OR1M1: variants seen among roughly 807,000 people sequenced by gnomAD.
OR1M1 encodes the protein olfactory receptor family 1 subfamily M member 1, also known as olfactory receptor 1M1.
For missense variants in OR1M1, 397 were observed against 401.8 expected (o/e 0.99, Z 0.10); for synonymous variants, 157 against 165.5 (o/e 0.95, Z 0.39).
rs1262370717 is a variant in OR1M1, at chr19:9,093,339, T to A, written c.95T>A (p.Phe32Tyr). 1.2e-6 allele frequency: 2 copies of A among 1,613,768 alleles called. No homozygotes were observed. Among genetic ancestry groups the A allele is most frequent in the African/African-American group, 2.7e-5 (2 of 74,858 alleles). Residue 32 changes from phenylalanine to tyrosine, a missense_variant, in exon 2 of 2, where the codon TTC (phenylalanine) becomes TAC (tyrosine). Physicochemically the swap from Phe to Tyr is conservative, Grantham distance 22. Transcript: ENST00000641627. ...EQETLLFSLF[F>Y]CMYLVMVVGN... ...GAGACGCTTCTCTTTTCCCTGTTCT[T>A]CTGCATGTACCTGGTCATGGTCGTG... is the stretch of plus-strand genomic sequence containing the variant.
At chr19:9,088,080 G>A (rs1017858739) in intron 1 of OR1M1, among the ~76,000 whole-genome samples, 1 of 151,228 alleles carries the variant, frequency 6.6e-6, no homozygotes, top group Admixed American at 6.6e-5. Flanking sequence ...TAGTGGAGCT[G>A]GGGTTTCACC....
At chr19:9,091,335 T>C (rs574502816) in intron 1 of OR1M1, among the ~76,000 whole-genome samples, 1 of 139,380 alleles carries the variant, frequency 7.2e-6, no homozygotes, top group Non-Finnish European at 1.6e-5. Flanking sequence ...TTTTTTTTTT[T>C]AAATAGTATT....
In OR1M1 at chr19:9,093,730, G is replaced by C; in HGVS notation, c.486G>C (p.Leu162=). The C allele has an allele frequency of 6.2e-7, 1 of 1,613,954 alleles. No individual in the cohort carries two copies. Among genetic ancestry groups the C allele is most frequent in the Non-Finnish European group, 8.5e-7 (1 of 1,180,028 alleles). ...SCFISLTHIL[L]MARLVFCGSH... ...TCATCTCACTCACTCACATCCTCCTGATGGCCCGTCTCGTTTTCTGCGGCA... is the reference window on the plus strand; with the variant it reads ...TCATCTCACTCACTCACATCCTCCTCATGGCCCGTCTCGTTTTCTGCGGCA... The change falls in exon 2 of 2, where the codon CTG becomes CTC. Residue 162 remains leucine (L), a synonymous_variant. Coordinates refer to ENST00000641627, the MANE Select transcript of OR1M1 (RefSeq NM_001004456.2).
At chr19:9,091,335 T>A (rs574502816) in intron 1 of OR1M1, among the ~76,000 whole-genome samples, 133 of 139,472 alleles carry the variant, frequency 9.5e-4, no homozygotes, top group East Asian at 7.8e-3. Flanking sequence ...TTTTTTTTTT[T>A]AAATAGTATT....
At chr19:9,092,002 A>G (rs2050295528) in intron 1 of OR1M1, among the ~76,000 whole-genome samples, 1 of 148,134 alleles carries the variant, frequency 6.8e-6, no homozygotes, top group South Asian at 2.2e-4. Flanking sequence ...CTCTGCTCCA[A>G]GGGTCAAGCA....
chr19:9,088,555 AT>A (rs2050276418), intron 1 of OR1M1, among the ~76,000 whole-genome samples: 1 of 152,122 alleles, frequency 6.6e-6, no homozygotes, highest in Non-Finnish European at 1.5e-5. Context: ...TAGTAGTTTA[AT>A]CACAGAGCAT....
At position 9,094,262 on chromosome 19, in the gene OR1M1, G is replaced by A. The variant is rs992357977; in HGVS notation, c.*76G>A. The A allele has an allele frequency of 3.9e-6, 3 of 762,742 alleles. No individual in the cohort carries two copies. The highest frequency in any genetic ancestry group is 6.3e-6 in the Non-Finnish European group (3 of 478,312). 47.2% of individuals were successfully genotyped at this position (762,742 alleles called of 1,614,324 possible). ...CTTGGGCTAACATCTGGAATTGCAT[G>A]AGTTGAAGAGTAGGCACTTTGAATT... On this transcript the variant is annotated 3_prime_UTR_variant, in exon 2 of 2. Transcript: ENST00000641627.
chr19:9,090,978 A>G (rs2145903647), intron 1 of OR1M1, among the ~76,000 whole-genome samples: 1 of 151,838 alleles, frequency 6.6e-6, no homozygotes, highest in East Asian at 2.0e-4. Context: ...CATCCTGGCT[A>G]ACATGGTGAA....
rs561502650 is a variant in OR1M1 at position 9,093,297 on chromosome 19, C to G, written c.53C>G (p.Ser18Ter). ...SASQFILLGLSEKPEQETLLF... is the reference protein window; with the variant it reads ...SASQFILLGL ...TCTCAATTCATCCTCCTGGGACTCT[C>G]AGAAAAGCCAGAGCAGGAGACGCTT... The change falls in exon 2 of 2, where the codon TCA (serine) becomes TGA (stop). Residue 18 changes from serine to a stop codon, truncating the protein, a stop_gained. Transcript: ENST00000641627. LOFTEE classifies it low-confidence loss of function (END_TRUNC). 10 of 1,613,764 alleles carry G rather than the reference C, an allele frequency of 6.2e-6. No homozygotes were observed. The African/African-American group carries it at 1.2e-4, about 19-fold the overall frequency.
At chr19:9,090,558 C>T (rs1568296388) in intron 1 of OR1M1, among the ~76,000 whole-genome samples, 1 of 152,022 alleles carries the variant, frequency 6.6e-6, no homozygotes, top group African/African-American at 2.4e-5. Flanking sequence ...CCTCAGCCTC[C>T]TGAGTAGCTG....
intron 1 of OR1M1, among the ~76,000 whole-genome samples, chr19:9,087,496 G>A (rs1333473491): frequency 6.6e-6 from 1 of 151,886 alleles, no homozygotes; most frequent in Non-Finnish European, 1.5e-5. Context: ...TTGTTGCCCA[G>A]GCTGGAGTGC....
At position 9,093,308 on chromosome 19, in the gene OR1M1, G is replaced by A. The variant is rs748829500; in HGVS notation, c.64G>A (p.Glu22Lys). ...CCTCCTGGGACTCTCAGAAAAGCCAGAGCAGGAGACGCTTCTCTTTTCCCT... is the reference window on the plus strand; with the variant it reads ...CCTCCTGGGACTCTCAGAAAAGCCAAAGCAGGAGACGCTTCTCTTTTCCCT... ...FILLGLSEKP[E>K]QETLLFSLFF... is the part of the protein sequence containing the mutation. Residue 22 changes from glutamate (E) to lysine (K), a missense_variant, in exon 2 of 2, where the codon GAG becomes AAG. Glu to Lys is a moderately conservative substitution (Grantham distance 56). Coordinates refer to ENST00000641627, the MANE Select transcript of OR1M1 (RefSeq NM_001004456.2). 2 of 1,613,750 alleles carry A rather than the reference G, an allele frequency of 1.2e-6. No individual in the cohort carries two copies. The highest frequency in any genetic ancestry group is 2.7e-5 in the African/African-American group (2 of 74,822).
Position 9,087,521 on chromosome 19 carries a change from G to A in OR1M1, c.-14+364G>A, listed in dbSNP as rs1469229488. Among the ~76,000 whole-genome samples the A allele has an allele frequency of 2.0e-5, 3 of 151,918 alleles. No homozygotes were observed. The East Asian group carries it at 5.8e-4, about 29-fold the overall frequency. ...GGCTGGAGTGCAATGGCACGATCTT[G>A]GCTCACTGCAACCTCTGACTCCCAG... On this transcript the variant is annotated intron_variant, in intron 1 of 1. Transcript: ENST00000641627.
intron 1 of OR1M1, among the ~76,000 whole-genome samples, chr19:9,090,341 G>A (rs532410964): frequency 2.0e-5 from 3 of 152,252 alleles, no homozygotes; most frequent in South Asian, 2.1e-4. Context: ...GAACGAATGC[G>A]TGAGTGAATA....
In OR1M1 at chr19:9,094,322, C is replaced by T; in HGVS notation, c.*136C>T. 1.7e-6 allele frequency: 1 copy of T among 595,992 alleles called. No individual in the cohort carries two copies. The highest frequency in any genetic ancestry group is 2.2e-5 in the South Asian group (1 of 44,604). 36.9% of individuals were successfully genotyped at this position (595,992 alleles called of 1,614,324 possible). On this transcript the variant is annotated 3_prime_UTR_variant, in exon 2 of 2. Transcript: ENST00000641627. ...TTATTATTATTTAGAGATGGGGTCTCACTATGTTGCCCGTGCTGGAGTGCA... is the reference window on the plus strand; with the variant it reads ...TTATTATTATTTAGAGATGGGGTCTTACTATGTTGCCCGTGCTGGAGTGCA...
rs4804097 is a variant in OR1M1 at position 9,093,631 on chromosome 19, A to G, written c.387A>G (p.Pro129=). 1,065,743 of 1,613,800 alleles carry G rather than the reference A, an allele frequency of 0.66. 354,394 individuals are homozygous for G. The highest frequency in any genetic ancestry group is 0.9 in the East Asian group (40,585 of 44,852). The change falls in exon 2 of 2, where the codon CCA becomes CCG. Residue 129 remains proline (P), a synonymous_variant. Coordinates refer to ENST00000641627, the MANE Select transcript of OR1M1 (RefSeq NM_001004456.2). ...ACCGGTTCGTGGCCATCTGCCACCC[A>G]TTGCACTACGCCAAGATCATGAGCC... ...AYDRFVAICH[P]LHYAKIMSLR...
Position 9,091,352 on chromosome 19 carries a change from AC to A in OR1M1, c.-13-1879del, listed in dbSNP as rs1162359576. 2.0e-4 allele frequency among the ~76,000 whole-genome samples: 30 copies of A among 151,598 alleles called. No individual in the cohort carries two copies. The East Asian group carries it at 5.6e-3, about 28-fold the overall frequency. On this transcript the variant is annotated intron_variant, in intron 1 of 1. Transcript: ENST00000641627. ...TTTTTTTTTAAATAGTATTTGCACC[AC>A]AGGTGCTATTGTTTATTTTAATTCC... is the stretch of plus-strand genomic sequence containing the variant.
intron 1 of OR1M1, among the ~76,000 whole-genome samples, chr19:9,089,583 C>G (rs2050282463): frequency 6.6e-6 from 1 of 151,964 alleles, no homozygotes; most frequent in Non-Finnish European, 1.5e-5. Context: ...ACCACTACGC[C>G]CGGATAATTT....
rs760028723 is a variant in OR1M1 at position 9,093,439 on chromosome 19, C to A, written c.195C>A (p.Asn65Lys). 6.2e-7 allele frequency: 1 copy of A among 1,614,104 alleles called. No individual in the cohort carries two copies. The change falls in exon 2 of 2, where the codon AAC (asparagine) becomes AAA (lysine). Residue 65 changes from asparagine (N) to lysine (K), a missense_variant. Physicochemically the swap from Asn to Lys is moderately conservative, Grantham distance 94. Coordinates refer to ENST00000641627, the MANE Select transcript of OR1M1 (RefSeq NM_001004456.2). ...LHTPMYFFLA[N>K]LSLVDFCLAT... ...CCCCCATGTACTTCTTCCTGGCCAA[C>A]CTGTCCCTGGTTGATTTCTGTCTGG... is the stretch of plus-strand genomic sequence containing the variant.
Sources: gnomAD v4.1 joint callset for allele counts (sites outside exome capture counted in the v4.1 genomes callset) on GRCh38, gnomAD v4.1.1 for gene constraint, MANE v1.5 for transcripts, NCBI Gene and HGNC (gene_info 2026-07-23, HGNC 2026-07-21) for gene names.